Variants in ACACB observed in about 807,000 individuals in gnomAD.
ACACB encodes acetyl-CoA carboxylase 2.
Under a neutral mutation model 278.8 loss-of-function variants are expected in ACACB, and 209 were observed. The observed-to-expected ratio is 0.75, with a 90% CI of 0.67 to 0.84. The LOEUF (loss-of-function observed/expected upper bound fraction) is 0.84. Ranked by LOEUF, ACACB falls within the 40% of genes least tolerant of loss-of-function variation. The pLI is 0.00. For synonymous variants in ACACB, 1,174 were observed against 1,285.6 expected, an observed-to-expected ratio of 0.91 and a Z score of 1.86; for missense variants, 2,850 against 3,269.0, an observed-to-expected ratio of 0.87 and a Z score of 3.13.
intron 43 of ACACB, 67 bp downstream of exon 43, chr12:109,253,225 C>T (rs1422728973): frequency 4.9e-6 from 7 of 1,430,388 alleles, no homozygotes; most frequent in Non-Finnish European, 6.5e-6. Context: ...TAATTCTGTC[C>T]CTGTCACCTC....
chr12:109,128,699 C>A (rs1052050806), intron 1 of ACACB, among the ~76,000 whole-genome samples: 3 of 151,268 alleles, frequency 2.0e-5, no homozygotes, highest in Admixed American at 6.6e-5. Context: ...GCTATCTCCC[C>A]AAAAGTCTTT....
At chr12:109,247,532 A>T in intron 39 of ACACB, 74 bp from the exon 40 acceptor site, 1 of 1,055,750 alleles carries the variant, frequency 9.5e-7, no homozygotes, top group South Asian at 1.3e-5. Context: ...TACGATGTTC[A>T]CATTAAGAAA....
Position 109,139,768 on chromosome 12 carries a change from G to A in ACACB, c.363G>A (p.Gly121=). 2 of 1,614,184 alleles carry A rather than the reference G, an allele frequency of 1.2e-6. No individual in the cohort carries two copies. Among genetic ancestry groups the A allele is most frequent in the Non-Finnish European group, 1.7e-6 (2 of 1,180,046 alleles). Residue 121 remains glycine, a synonymous_variant, in exon 2 of 53, where the codon GGG becomes GGA. Transcript: ENST00000338432. ...CAGAGCTTCAAGCCAACGGGACTGG[G>A]ACACAAGGTCTGGAGGCCACAGATA... ...PSPELQANGT[G]TQGLEATDTN... is the part of the protein sequence containing the mutation.
intron 11 of ACACB, among the ~76,000 whole-genome samples, chr12:109,184,571 G>A (rs2044589159): frequency 6.6e-6 from 1 of 152,100 alleles, no homozygotes; most frequent in Non-Finnish European, 1.5e-5. Flanking sequence ...TCTTTTTGTA[G>A]CTGTTTTTTG....
rs1351851277 is a variant in ACACB, at chr12:109,212,906, A to G, written c.3320A>G (p.Asn1107Ser). 6.2e-7 allele frequency: 1 copy of G among 1,614,090 alleles called. No individual in the cohort carries two copies. The highest frequency in any genetic ancestry group is 8.5e-7 in the Non-Finnish European group (1 of 1,179,974). Residue 1107 changes from asparagine to serine, a missense_variant, in exon 22 of 53, where the codon AAC becomes AGC. Asn to Ser is a conservative substitution (Grantham distance 46, BLOSUM62 1). Coordinates refer to ENST00000338432, the MANE Select transcript of ACACB (RefSeq NM_001093.4). ...RKADREVFFI[N>S]TQSIVQLVQR... Reference sequence around the variant, plus strand: ...GCTGATCGAGAGGTCTTCTTCATCAACACCCAGAGCATCGTGCAGTTGGTC... The same window carrying G: ...GCTGATCGAGAGGTCTTCTTCATCAGCACCCAGAGCATCGTGCAGTTGGTC...
At chr12:109,179,768 G>A in intron 10 of ACACB, 149 bp from the exon 11 acceptor site, 1 of 888,504 alleles carries the variant, frequency 1.1e-6, no homozygotes, top group Non-Finnish European at 1.7e-6. Flanking sequence ...TAGGGTGATA[G>A]GCATGAGCCA....
At chr12:109,235,739 C>T (rs769194005) in intron 33 of ACACB, 92 bp downstream of exon 33, 9 of 1,201,644 alleles carry the variant, frequency 7.5e-6, no homozygotes, top group Admixed American at 2.1e-5. Context: ...GGCTCAAGCC[C>T]GTAATCCTAG....
intron 21 of ACACB, among the ~76,000 whole-genome samples, chr12:109,211,348 T>C (rs1193671536): frequency 1.3e-5 from 2 of 150,194 alleles, no homozygotes; most frequent in Non-Finnish European, 3.0e-5. Context: ...TCCTCTTTTT[T>C]TTTTTTTTTT....
intron 19 of ACACB, among the ~76,000 whole-genome samples, chr12:109,203,214 A>G (rs1444843863): frequency 6.6e-6 from 1 of 152,212 alleles, no homozygotes; most frequent in African/African-American, 2.4e-5. Flanking sequence ...AGGCTGCATA[A>G]TATTCCCTTG....
intron 42 of ACACB, 23 bp downstream of exon 42, chr12:109,252,179 A>G: frequency 6.5e-7 from 1 of 1,536,672 alleles, no homozygotes. Flanking sequence ...GGGCCTGTGC[A>G]GAGTGGATCC....
At chr12:109,255,477 C>A (rs752596871) in intron 44 of ACACB, among the ~76,000 whole-genome samples, 1 of 152,198 alleles carries the variant, frequency 6.6e-6, no homozygotes, top group Non-Finnish European at 1.5e-5. Context: ...AAAAAATGTT[C>A]GGCTTCTCAC....
rs755204288 is a variant in ACACB, at chr12:109,239,955, C to G, written c.4788C>G (p.Phe1596Leu). The G allele has an allele frequency of 6.2e-7, 1 of 1,614,134 alleles. No homozygotes were observed. Among genetic ancestry groups the G allele is most frequent in the South Asian group, 1.1e-5 (1 of 91,072 alleles). The change falls in exon 35 of 53, where the codon TTC (phenylalanine) becomes TTG (leucine). Residue 1596 changes from phenylalanine (F) to leucine (L), a missense_variant. Phe to Leu is a conservative substitution (Grantham distance 22, BLOSUM62 0). Coordinates refer to ENST00000338432, the MANE Select transcript of ACACB (RefSeq NM_001093.4). ...RTDCNHIFLN[F>L]VPTVIMDPFK... ...ACTGCAACCACATCTTCCTCAACTT[C>G]GTGCCCACTGTCATCATGGACCCCT...
chr12:109,172,259 C>G lies in ACACB; in HGVS notation c.1036-16C>G, dbSNP rs1392566960. 1.9e-6 allele frequency: 3 copies of G among 1,612,868 alleles called. No homozygotes were observed. The highest frequency in any genetic ancestry group is 2.2e-5 in the South Asian group (2 of 91,008). The stretch of plus-strand genomic sequence containing the variant: ...CTTGAAGGAAGATTGTTGCTCACCC[C>G]TTTCTGTGTTTGCAGGCGGTGTGGG... On this transcript the variant is annotated splice_polypyrimidine_tract_variant and intron_variant, in intron 5 of 52. Transcript: ENST00000338432.
chr12:109,188,585 A>C (rs1442027462), intron 13 of ACACB, among the ~76,000 whole-genome samples: 1 of 151,632 alleles, frequency 6.6e-6, no homozygotes, highest in Non-Finnish European at 1.5e-5. Flanking sequence ...TCCTTTAAGA[A>C]ATGAAACGGT....
chr12:109,258,869 C>A, intron 46 of ACACB, 104 bp from the exon 47 acceptor site: 1 of 1,455,044 alleles, frequency 6.9e-7, no homozygotes. Context: ...GGGGCCAGCA[C>A]AGATCAGATC....
At chr12:109,245,848 G>A (rs1565967263) in intron 38 of ACACB, 100 bp downstream of exon 38, 1 of 1,456,336 alleles carries the variant, frequency 6.9e-7, no homozygotes, top group South Asian at 1.4e-5. Context: ...CAGTGCTTTG[G>A]GAGGCCAAGG....
Position 109,248,287 on chromosome 12 carries a change from G to A in ACACB, c.5669+584G>A, listed in dbSNP as rs146931977. Among the ~76,000 whole-genome samples the A allele has an allele frequency of 1.9e-3, 293 of 152,234 alleles. 3 individuals carry two copies. Among genetic ancestry groups the A allele is most frequent in the African/African-American group, 6.7e-3 (277 of 41,552 alleles). On this transcript the variant is annotated intron_variant, in intron 40 of 52. Transcript: ENST00000338432. ...CCTGTAGCATGCTGTATTAGTCAGC[G>A]TTCTCCAGAGGGACAGGACTAGTAG...
Position 109,262,984 on chromosome 12 carries a change from T to TA in ACACB, c.6787+515_6787+516insA, listed in dbSNP as rs1593741001. Reference sequence around the variant, plus strand: ...TATATATATATATATATATATATATTGCCATCGTGAATTTATTTCTCAGCA... The same window carrying TA: ...TATATATATATATATATATATATATTAGCCATCGTGAATTTATTTCTCAGCA... On this transcript the variant is annotated intron_variant, in intron 49 of 52. Transcript: ENST00000338432. 5 of 32,096 alleles carry TA rather than the reference T, an allele frequency of 1.6e-4. 1 individual carries two copies. Among genetic ancestry groups the TA allele is most frequent in the Non-Finnish European group, 2.4e-4 (2 of 8,486 alleles). 2.0% of individuals were successfully genotyped at this position (32,096 alleles called of 1,614,324 possible).
chr12:109,227,569 G>A lies in ACACB; in HGVS notation c.4001+80G>A, dbSNP rs1309856089. 6 of 1,404,576 alleles carry A rather than the reference G, an allele frequency of 4.3e-6. No individual in the cohort carries two copies. The African/African-American group carries it at 7.1e-5, about 17-fold the overall frequency. The allele number at this position is 1,404,576 out of a possible 1,614,324, so 87.0% of individuals were successfully genotyped here. On this transcript the variant is annotated intron_variant, in intron 28 of 52. Transcript: ENST00000338432. ...TGTCGTCCTGTCTCTGGAAGGACCT[G>A]GCAAGTGTGTTTGGGCACGCTGCTG...
Sources: gnomAD v4.1 joint callset for allele counts (sites outside exome capture counted in the v4.1 genomes callset) on GRCh38, gnomAD v4.1.1 for gene constraint, MANE v1.5 for transcripts, NCBI Gene and HGNC (gene_info 2026-07-23, HGNC 2026-07-21) for gene names.